The following TMEM59 variants were observed in gnomAD, a reference collection of about 807,000 sequenced individuals.
TMEM59 encodes transmembrane protein 59.
Under a neutral mutation model 42.2 loss-of-function variants are expected in TMEM59, and 44 were observed. That is an observed-to-expected ratio of 1.04 (90% confidence interval 0.82 to 1.34). The LOEUF (loss-of-function observed/expected upper bound fraction) is 1.34. Among genes scored for constraint, TMEM59 ranks in the 40% most tolerant of loss-of-function variants. The pLI is 0.00. For synonymous variants in TMEM59, 148 were observed against 145.8 expected (o/e 1.02, Z -0.11); for missense variants, 359 against 382.8 (o/e 0.94, Z 0.52).
intron 7 of TMEM59, among the ~76,000 whole-genome samples, 183 bp from the exon 8 acceptor site, chr1:54,032,488 CAAAG>C (rs2100294529): frequency 1.3e-5 from 2 of 152,288 alleles, no homozygotes; most frequent in South Asian, 4.1e-4. Context: ...AATGGATGGC[CAAAG>C]AAAGCTGTTC....
chr1:54,050,922 C>T (rs1007131996), intron 1 of TMEM59, among the ~76,000 whole-genome samples: 1 of 151,752 alleles, frequency 6.6e-6, no homozygotes, highest in African/African-American at 2.4e-5. Flanking sequence ...GCACTGGCGA[C>T]ATTTCGGCTC....
intron 6 of TMEM59, among the ~76,000 whole-genome samples, chr1:54,038,550 A>G (rs1657031292): frequency 6.6e-6 from 1 of 152,218 alleles, no homozygotes; most frequent in Admixed American, 6.5e-5. Flanking sequence ...CTCAATTTCC[A>G]TTCTGGAGAC....
At chr1:54,039,765 G>A (rs1325422188) in intron 6 of TMEM59, among the ~76,000 whole-genome samples, 3 of 152,020 alleles carry the variant, frequency 2.0e-5, no homozygotes, top group East Asian at 1.9e-4. Context: ...ATCTGACACC[G>A]AGTAGGTGAT....
Position 54,043,354 on chromosome 1 carries a change from C to T in TMEM59, c.543+19G>A, listed in dbSNP as rs1657206821. ...ACTGTTGTTAGTATTTAGATGAATCCATGAAGCTCAGTTGTCACCTGGAAT... is the reference window on the plus strand; with the variant it reads ...ACTGTTGTTAGTATTTAGATGAATCTATGAAGCTCAGTTGTCACCTGGAAT... On this transcript the variant is annotated intron_variant, in intron 4 of 7. Transcript: ENST00000234831. 1 of 1,515,098 alleles carries T rather than the reference C, an allele frequency of 6.6e-7. No individual in the cohort carries two copies. Among genetic ancestry groups the T allele is most frequent in the Non-Finnish European group, 8.8e-7 (1 of 1,132,634 alleles). 93.9% of individuals were successfully genotyped at this position (1,515,098 alleles called of 1,614,324 possible).
At chr1:54,033,399 G>A (rs1201276833) in intron 7 of TMEM59, 3 of 151,448 alleles carry the variant, frequency 2.0e-5, no homozygotes, top group Non-Finnish European at 4.4e-5. Flanking sequence ...TCAGGAGCTC[G>A]AGACCAGCCT....
At chr1:54,041,603 A>G in intron 5 of TMEM59, 121 bp downstream of exon 5, 1 of 748,064 alleles carries the variant, frequency 1.3e-6, no homozygotes, top group South Asian at 2.0e-5. Context: ...AAGTTTGAGA[A>G]CCACTGTTTT....
chr1:54,052,992 GGCCC>G lies in TMEM59; in HGVS notation c.189+4_189+7del. 1 of 1,609,272 alleles carries G rather than the reference GGCCC, an allele frequency of 6.2e-7. No homozygotes were observed. Among genetic ancestry groups the G allele is most frequent in the East Asian group, 2.2e-5 (1 of 44,692 alleles). On this transcript the variant is annotated splice_donor_5th_base_variant and intron_variant, in intron 1 of 7. Coordinates refer to ENST00000234831, the MANE Select transcript of TMEM59 (RefSeq NM_004872.5). ...GAAGGGTCGCAGCCCGCTCCGGACG[GGCCC>G]TACCTTAGGGTAGGTGTGCAAGGGG...
chr1:54,047,973 A>C (rs1657400292), intron 1 of TMEM59: 1 of 152,576 alleles, frequency 6.6e-6, no homozygotes, highest in South Asian at 2.1e-4. Flanking sequence ...GTTGCTTAAA[A>C]AACAACAACA....
intron 7 of TMEM59, among the ~76,000 whole-genome samples, chr1:54,032,843 A>T (rs1388254568): frequency 2.0e-5 from 3 of 152,224 alleles, no homozygotes; most frequent in African/African-American, 7.2e-5. Flanking sequence ...AAATGTCATA[A>T]AACTCATTGG....
At chr1:54,042,967 A>T (rs1404128407) in intron 4 of TMEM59, among the ~76,000 whole-genome samples, 1 of 152,200 alleles carries the variant, frequency 6.6e-6, no homozygotes, top group Non-Finnish European at 1.5e-5. Context: ...CTCTTATTAG[A>T]GTCATGAGTA....
intron 1 of TMEM59, chr1:54,047,639 C>T: frequency 2.7e-6 from 1 of 376,668 alleles, no homozygotes; most frequent in Non-Finnish European, 4.8e-6. Flanking sequence ...TGGTTACAAT[C>T]TGTGGGGGGG....
At chr1:54,050,830 G>C (rs1343780379) in intron 1 of TMEM59, among the ~76,000 whole-genome samples, 2 of 151,836 alleles carry the variant, frequency 1.3e-5, no homozygotes, top group Non-Finnish European at 2.9e-5. Context: ...CCAAAGTGCT[G>C]GGATTACAGG....
At chr1:54,033,605 A>C (rs1412239147) in intron 7 of TMEM59, 2 of 141,908 alleles carry the variant, frequency 1.4e-5, no homozygotes, top group East Asian at 2.0e-4. Context: ...CTGTCTCACA[A>C]AAAAAAAAAA....
chr1:54,053,391 T>C (rs998787127), upstream of TMEM59: 8 of 617,836 alleles, frequency 1.3e-5, no homozygotes, highest in African/African-American at 1.5e-4. Context: ...TAGGCTGGCG[T>C]GAGGAGGGGA....
rs1657554741 is a variant in TMEM59 at position 54,051,919 on chromosome 1, T to G, written c.189+1081A>C. ...ACAAAATCTGAGAAGTGCCGGCACT[T>G]AGAACTTTTCATTTCAAAGACCTGA... On this transcript the variant is annotated intron_variant, in intron 1 of 7. Coordinates refer to ENST00000234831, the MANE Select transcript of TMEM59 (RefSeq NM_004872.5). 2.0e-5 allele frequency among the ~76,000 whole-genome samples: 3 copies of G among 152,178 alleles called. No individual in the cohort carries two copies. In the South Asian group the frequency reaches 6.2e-4, roughly 32 times the overall value.
At position 54,029,935 on chromosome 1, in the gene TMEM59, CA is replaced by C. The variant is rs1356578385; in HGVS notation, c.*2214del. 2.8e-4 allele frequency: 42 copies of C among 152,192 alleles called. No homozygotes were observed. Among genetic ancestry groups the C allele is most frequent in the African/African-American group, 1.0e-3 (42 of 41,528 alleles). The allele number at this position is 152,192 out of a possible 1,614,324, so 9.4% of individuals were successfully genotyped here. A position where few individuals can be genotyped will look rare whatever the true frequency, so the allele number is the denominator to read the frequency against. ...CTTAATTATGCTAAAAAAGAGGAGA[CA>C]AATATTTGAGTGCCTGCTAAATATC... On this transcript the variant is annotated 3_prime_UTR_variant, in exon 8 of 8. Coordinates refer to ENST00000234831, the MANE Select transcript of TMEM59 (RefSeq NM_004872.5).
At position 54,027,082 on chromosome 1, in the gene TMEM59, A is replaced by C. The variant is rs1014473765; in HGVS notation, c.*5068T>G. ...TTCTTTTCACCAACTTCTAACTGAA[A>C]TATAACATTTCCTTCAATTACGAAT... On this transcript the variant is annotated 3_prime_UTR_variant, in exon 8 of 8. Transcript: ENST00000234831. 2 of 152,248 alleles carry C rather than the reference A, an allele frequency of 1.3e-5. No individual in the cohort carries two copies. The highest frequency in any genetic ancestry group is 4.8e-5 in the African/African-American group (2 of 41,458). 9.4% of individuals were successfully genotyped at this position (152,248 alleles called of 1,614,324 possible).
chr1:54,032,505 C>A (rs889678404), intron 7 of TMEM59, among the ~76,000 whole-genome samples, 200 bp from the exon 8 acceptor site: 2 of 152,226 alleles, frequency 1.3e-5, no homozygotes, highest in Admixed American at 6.5e-5. Context: ...AGCTGTTCCA[C>A]GTCTCAAGTT....
intron 1 of TMEM59, among the ~76,000 whole-genome samples, chr1:54,050,853 C>T (rs181425260): frequency 1.1e-3 from 165 of 151,984 alleles, no homozygotes; most frequent in South Asian, 5.0e-3. Flanking sequence ...TGAGCCACCG[C>T]GCCCGGCATT....
Sources: allele counts gnomAD v4.1 joint callset (sites outside exome capture counted in the v4.1 genomes callset), GRCh38; gene constraint gnomAD v4.1.1; transcripts MANE v1.5; gene names NCBI Gene and HGNC (gene_info 2026-07-23, HGNC 2026-07-21).